The following CPM variants were observed in gnomAD, a reference collection of about 807,000 sequenced individuals.
CPM encodes the protein carboxypeptidase M.
Under a neutral mutation model 46.4 loss-of-function variants are expected in CPM, and 35 were observed. The observed-to-expected ratio is 0.75, with a 90% CI of 0.58 to 1.00. The LOEUF (loss-of-function observed/expected upper bound fraction) is 1.00, where lower values mean the gene tolerates loss of function less well. Ranked by LOEUF, CPM falls within the 50% of genes least tolerant of loss-of-function variation. CPM has a pLI of 0.00. For missense variants in CPM, 422 were observed against 530.4 expected (o/e 0.80, Z 2.01); for synonymous variants, 195 against 195.3 (o/e 1.00, Z 0.01).
chr12:68,931,165 G>T (rs772363475), intron 2 of CPM, among the ~76,000 whole-genome samples: 2 of 152,046 alleles, frequency 1.3e-5, no homozygotes, highest in Non-Finnish European at 2.9e-5. Flanking sequence ...ATTACACACA[G>T]CCCAGGATAT....
At chr12:68,878,333 A>T (rs1886045479) in intron 3 of CPM, among the ~76,000 whole-genome samples, 1 of 152,224 alleles carries the variant, frequency 6.6e-6, no homozygotes, top group Non-Finnish European at 1.5e-5. Context: ...ACAAGATTAG[A>T]AATTATGGCT....
intron 1 of CPM, among the ~76,000 whole-genome samples, chr12:68,956,457 C>T (rs1021636522): frequency 1.3e-5 from 2 of 152,236 alleles, no homozygotes; most frequent in Non-Finnish European, 2.9e-5. Flanking sequence ...AGCCACGCCT[C>T]CCCCACTACA....
chr12:68,876,411 C>A, intron 3 of CPM, among the ~76,000 whole-genome samples: 1 of 152,152 alleles, frequency 6.6e-6, no homozygotes. Flanking sequence ...TTCTTCCCAA[C>A]CTTAATATAA....
At chr12:68,932,549 A>C in intron 2 of CPM, 129 bp downstream of exon 2, 5 of 1,024,628 alleles carry the variant, frequency 4.9e-6, no homozygotes, top group South Asian at 1.7e-5. Flanking sequence ...CACGCACGGT[A>C]CCGGTTGACT....
chr12:68,958,799 C>T (rs1024704177), intron 1 of CPM, among the ~76,000 whole-genome samples: 1 of 152,150 alleles, frequency 6.6e-6, no homozygotes, highest in African/African-American at 2.4e-5. Context: ...GCCTCTGAGA[C>T]GCTATATGAA....
chr12:68,882,764 T>A (rs1263105663), intron 3 of CPM, among the ~76,000 whole-genome samples: 2 of 152,268 alleles, frequency 1.3e-5, no homozygotes, highest in African/African-American at 4.8e-5. Flanking sequence ...CTGACTGGTA[T>A]GAGATGATAT....
At chr12:68,888,527 T>C (rs113055474) in intron 2 of CPM, among the ~76,000 whole-genome samples, 1 of 152,242 alleles carries the variant, frequency 6.6e-6, no homozygotes, top group East Asian at 1.9e-4. Context: ...TTACTGGCTA[T>C]CTCTGGCCTA....
chr12:68,936,935 T>C (rs1888682828), upstream of CPM, among the ~76,000 whole-genome samples: 1 of 152,112 alleles, frequency 6.6e-6, no homozygotes, highest in South Asian at 2.1e-4. Flanking sequence ...AGCTAATAAA[T>C]ATAGTAAAGG....
rs76466760 is a variant in CPM, at chr12:68,919,968, C to T, written c.160+12710G>A. 7.2e-5 allele frequency among the ~76,000 whole-genome samples: 11 copies of T among 152,240 alleles called. No homozygotes were observed. In the East Asian group the frequency reaches 1.2e-3, roughly 16 times the overall value. Reference sequence around the variant, plus strand: ...GTTAGAGGTGGAGCCTGGTGGGAGACGTTTGGGTCATGGGAGTGGATCTCT... The same window carrying T: ...GTTAGAGGTGGAGCCTGGTGGGAGATGTTTGGGTCATGGGAGTGGATCTCT... On this transcript the variant is annotated intron_variant, in intron 2 of 8. Transcript: ENST00000551568.
At chr12:68,922,960 A>G (rs1888097731) in intron 2 of CPM, among the ~76,000 whole-genome samples, 1 of 152,098 alleles carries the variant, frequency 6.6e-6, no homozygotes, top group African/African-American at 2.4e-5. Flanking sequence ...TGTGTTGCCC[A>G]GGCTGGAGTG....
intron 2 of CPM, among the ~76,000 whole-genome samples, chr12:68,886,921 G>T (rs1886459251): frequency 6.6e-6 from 1 of 152,204 alleles, no homozygotes; most frequent in Non-Finnish European, 1.5e-5. Context: ...GTAATCTCAA[G>T]TAATCCCTTG....
At chr12:68,933,749 C>T (rs1247135548), upstream of CPM, among the ~76,000 whole-genome samples, 3 of 152,160 alleles carry the variant, frequency 2.0e-5, no homozygotes, top group African/African-American at 7.2e-5. Flanking sequence ...AAAGAACGCG[C>T]GCGTGTGTGG....
chr12:68,921,880 C>T (rs1017156390), intron 2 of CPM, among the ~76,000 whole-genome samples: 4 of 152,008 alleles, frequency 2.6e-5, no homozygotes, highest in African/African-American at 7.2e-5. Flanking sequence ...TAAAAATGTA[C>T]ATCCTATATA....
chr12:68,882,676 C>T (rs1339196479), intron 3 of CPM, among the ~76,000 whole-genome samples: 1 of 152,152 alleles, frequency 6.6e-6, no homozygotes, highest in Non-Finnish European at 1.5e-5. Flanking sequence ...ACATTCTCAC[C>T]AGCAGTGTGT....
chr12:68,893,969 G>A (rs1265440622), intron 2 of CPM, among the ~76,000 whole-genome samples: 1 of 152,142 alleles, frequency 6.6e-6, no homozygotes, highest in East Asian at 1.9e-4. Flanking sequence ...GCTTTACTCA[G>A]TGGAGTATGC....
chr12:68,844,758 GTTTTA>G (rs1210203044), intron 5 of CPM: 15 of 207,532 alleles, frequency 7.2e-5, no homozygotes, highest in East Asian at 2.2e-4. Context: ...CTTAATAAGG[GTTTTA>G]TTTTATTTTT....
chr12:68,913,308 T>C (rs189061089), intron 2 of CPM, among the ~76,000 whole-genome samples: 1 of 152,244 alleles, frequency 6.6e-6, no homozygotes, highest in Non-Finnish European at 1.5e-5. Context: ...GGCTCCTGAA[T>C]ACAGGCAAAT....
chr12:68,892,950 A>G (rs1886716093), intron 2 of CPM, among the ~76,000 whole-genome samples: 1 of 152,056 alleles, frequency 6.6e-6, no homozygotes, highest in Admixed American at 6.6e-5. Context: ...GGAACATCAC[A>G]CACCTGGGCC....
intron 1 of CPM, among the ~76,000 whole-genome samples, chr12:68,956,849 C>T (rs913394239): frequency 5.9e-5 from 9 of 152,264 alleles, no homozygotes; most frequent in East Asian, 5.8e-4. Context: ...TTAAACATTG[C>T]GATAAATATG....
Sources: gnomAD v4.1 joint callset for allele counts (sites outside exome capture counted in the v4.1 genomes callset) on GRCh38, gnomAD v4.1.1 for gene constraint, MANE v1.5 for transcripts, NCBI Gene and HGNC (gene_info 2026-07-23, HGNC 2026-07-21) for gene names.